The following GALNT9 variants were observed in gnomAD, a reference collection of about 807,000 sequenced individuals.
GALNT9 encodes polypeptide N-acetylgalactosaminyltransferase 9.
GALNT9 carries 47 observed loss-of-function variants against 63.1 expected under a neutral mutation model. The ratio of observed to expected loss-of-function variants is 0.75; its 90% CI spans 0.59 to 0.95. The LOEUF (loss-of-function observed/expected upper bound fraction) is 0.95, where lower values mean the gene tolerates loss of function less well. GALNT9 is among the 40% of genes least tolerant of loss of function. GALNT9 has a pLI of 0.00. For missense variants in GALNT9, 829 were observed against 874.8 expected, an observed-to-expected ratio of 0.95 and a Z score of 0.66; for synonymous variants, 396 against 365.7, an observed-to-expected ratio of 1.08 and a Z score of -0.94.
intron 6 of GALNT9, among the ~76,000 whole-genome samples, chr12:132,240,286 C>T (rs933769801): frequency 1.3e-5 from 2 of 152,138 alleles, no homozygotes; most frequent in African/African-American, 2.4e-5. Context: ...TGGGGGTCAC[C>T]GTGCCCCTCC....
intron 6 of GALNT9, among the ~76,000 whole-genome samples, chr12:132,235,674 G>A (rs1195576602): frequency 6.6e-6 from 1 of 151,816 alleles, no homozygotes; most frequent in Admixed American, 6.6e-5. Context: ...TCGGGACAGG[G>A]CAGGAGGGTC....
rs1167373177 is a variant in GALNT9, at chr12:132,245,252, A to G, written c.1077+2658T>C. On this transcript the variant is annotated intron_variant, in intron 6 of 10. Transcript: ENST00000328957. The surrounding 1 kb of genome is among the most constrained non-coding windows in gnomAD (Gnocchi z 6.3). Reference sequence around the variant, plus strand: ...AGCTCAGGAGTTTGAGACTAGCCTGATCAACATGGTGAAACCTCGTCTCTA... The same window carrying G: ...AGCTCAGGAGTTTGAGACTAGCCTGGTCAACATGGTGAAACCTCGTCTCTA... 6.6e-6 allele frequency among the ~76,000 whole-genome samples: 1 copy of G among 152,044 alleles called. No homozygotes were observed. The highest frequency in any genetic ancestry group is 3.2e-3 in the Middle Eastern group (1 of 316).
At chr12:132,308,672 C>T (rs1881700444) in intron 1 of GALNT9, among the ~76,000 whole-genome samples, 1 of 152,276 alleles carries the variant, frequency 6.6e-6, no homozygotes, top group Middle Eastern at 3.4e-3. Context: ...CCTGGCACCT[C>T]GGGGTGCCCA....
chr12:132,259,022 C>T (rs909464128), intron 4 of GALNT9, among the ~76,000 whole-genome samples: 8 of 152,206 alleles, frequency 5.3e-5, no homozygotes, highest in Non-Finnish European at 1.0e-4. Context: ...GCTGTCTTCA[C>T]CCCTTCTTCC....
chr12:132,268,285 A>G (rs1555240424), intron 2 of GALNT9, among the ~76,000 whole-genome samples: 3 of 152,092 alleles, frequency 2.0e-5, no homozygotes, highest in Admixed American at 6.6e-5. Flanking sequence ...GCACGCACAC[A>G]CTGAAACACA....
chr12:132,300,980 C>T (rs1043918392), intron 1 of GALNT9, among the ~76,000 whole-genome samples: 4 of 152,278 alleles, frequency 2.6e-5, no homozygotes, highest in Non-Finnish European at 4.4e-5. Context: ...CAGCGGGCGA[C>T]GCATTCACAG....
Position 132,230,804 on chromosome 12 carries a change from C to T in GALNT9, c.1077+17106G>A, listed in dbSNP as rs1177619095. ...GGGGTAACAGTCCGGGTTAATGGATCGATTTATTTTGTTGGTGTTTCAGCC... is the reference window on the plus strand; with the variant it reads ...GGGGTAACAGTCCGGGTTAATGGATTGATTTATTTTGTTGGTGTTTCAGCC... On this transcript the variant is annotated intron_variant, in intron 6 of 10. Transcript: ENST00000328957. Among the ~76,000 whole-genome samples, 23 of 152,318 alleles carry T rather than the reference C, an allele frequency of 1.5e-4. No individual in the cohort carries two copies. The East Asian group carries it at 3.9e-3, about 26-fold the overall frequency.
chr12:132,327,546 T>A lies in GALNT9; in HGVS notation c.238+1420A>T, dbSNP rs575544191. The stretch of plus-strand genomic sequence containing the variant: ...GACCATAACACCATGGCGAGCACAC[T>A]TCAATAGAGCCATGTGCTATTGCCG... On this transcript the variant is annotated intron_variant, in intron 1 of 10. Transcript: ENST00000328957. The surrounding 1 kb of genome is among the most constrained non-coding windows in gnomAD (Gnocchi z 4.3). Among the ~76,000 whole-genome samples the A allele has an allele frequency of 6.6e-6, 1 of 152,240 alleles. No individual in the cohort carries two copies. The highest frequency in any genetic ancestry group is 2.1e-4 in the South Asian group (1 of 4,820).
At chr12:132,306,912 G>C (rs28490534) in intron 1 of GALNT9, among the ~76,000 whole-genome samples, 1 of 152,056 alleles carries the variant, frequency 6.6e-6, no homozygotes, top group Non-Finnish European at 1.5e-5. Flanking sequence ...TTCTAATTAC[G>C]GGAGATAATC....
Position 132,329,432 on chromosome 12 carries a change from G to A in GALNT9, c.-229C>T, listed in dbSNP as rs1869201869. The A allele has an allele frequency of 2.7e-6, 1 of 374,398 alleles. No homozygotes were observed. The allele number at this position is 374,398 out of a possible 1,614,324, so 23.2% of individuals were successfully genotyped here. ...GGGCTGGGGTCGCGGGGCGCGGCCG[G>A]CATCCCCCGCTCAGAGGGCGCGGCC... is the stretch of plus-strand genomic sequence containing the variant. On this transcript the variant is annotated 5_prime_UTR_variant, in exon 1 of 11. Coordinates refer to ENST00000328957, the MANE Select transcript of GALNT9 (RefSeq NM_001122636.2).
chr12:132,226,235 C>CACA (rs1245151506), intron 6 of GALNT9, among the ~76,000 whole-genome samples: 2 of 147,240 alleles, frequency 1.4e-5, no homozygotes, highest in African/African-American at 5.1e-5. Context: ...ACACCCCATA[C>CACA]ACAACATATA....
At chr12:132,287,766 G>C (rs1245086312) in intron 1 of GALNT9, among the ~76,000 whole-genome samples, 1 of 152,064 alleles carries the variant, frequency 6.6e-6, no homozygotes, top group African/African-American at 2.4e-5. Context: ...GCCGGGCCAG[G>C]GAAAGTTCTA....
intron 6 of GALNT9, among the ~76,000 whole-genome samples, chr12:132,209,013 G>A (rs995975837): frequency 1.3e-5 from 2 of 152,294 alleles, no homozygotes; most frequent in South Asian, 2.1e-4. Flanking sequence ...TTTGGGTGAC[G>A]ATGCCTGTGG....
At chr12:132,267,985 TCACACACATGCACA>T (rs1256213734) in intron 2 of GALNT9, among the ~76,000 whole-genome samples, 1 of 126,214 alleles carries the variant, frequency 7.9e-6, no homozygotes, top group African/African-American at 3.2e-5. Flanking sequence ...CCACATGAAC[TCACACACATGCACA>T]CACACAGGCA....
At chr12:132,229,834 G>A (rs1025717159) in intron 6 of GALNT9, among the ~76,000 whole-genome samples, 1 of 152,212 alleles carries the variant, frequency 6.6e-6, no homozygotes, top group Non-Finnish European at 1.5e-5. Context: ...TCCTTTCTCC[G>A]ATGAGGAAGC....
In GALNT9 at chr12:132,305,526, C is replaced by G. The variant is rs28666515; in HGVS notation, c.239-19096G>C. Among the ~76,000 whole-genome samples the G allele has an allele frequency of 5.9e-4, 52 of 88,700 alleles. 4 individuals carry two copies. The highest frequency in any genetic ancestry group is 2.5e-3 in the African/African-American group (51 of 20,024). The allele number at this position is 88,700 out of a possible 152,430, so 58.2% of individuals were successfully genotyped here. A position where few individuals can be genotyped will look rare whatever the true frequency, so the allele number is the denominator to read the frequency against. On this transcript the variant is annotated intron_variant, in intron 1 of 10. Transcript: ENST00000328957. ...ACCCTCACCCGGGCACAGCCTCACCCGGGCACACCCTCACCCGGGCACACC... is the reference window on the plus strand; with the variant it reads ...ACCCTCACCCGGGCACAGCCTCACCGGGGCACACCCTCACCCGGGCACACC...
At chr12:132,267,005 G>A (rs1457923649) in intron 2 of GALNT9, among the ~76,000 whole-genome samples, 5 of 152,194 alleles carry the variant, frequency 3.3e-5, no homozygotes, top group Non-Finnish European at 5.9e-5. Flanking sequence ...TCCACTCAGC[G>A]AGCGAAAGGG....
At chr12:132,304,339 G>T (rs371775714) in intron 1 of GALNT9, among the ~76,000 whole-genome samples, 2 of 34,924 alleles carry the variant, frequency 5.7e-5, no homozygotes, top group African/African-American at 1.0e-4. Context: ...ACACACCCTC[G>T]CCTGGGCACA....
intron 6 of GALNT9, among the ~76,000 whole-genome samples, chr12:132,230,982 G>A (rs956017227): frequency 7.9e-5 from 12 of 151,986 alleles, no homozygotes; most frequent in East Asian, 1.9e-4. Flanking sequence ...CCACACACTC[G>A]ATGGAGTGAC....
Sources: allele counts gnomAD v4.1 joint callset (sites outside exome capture counted in the v4.1 genomes callset), GRCh38; gene constraint gnomAD v4.1.1; non-coding constraint Gnocchi (gnomAD v3.1); transcripts MANE v1.5; gene names NCBI Gene and HGNC (gene_info 2026-07-23, HGNC 2026-07-21).